PKP4: variants seen among roughly 807,000 people sequenced by gnomAD.
The protein encoded by PKP4 is plakophilin-4.
Under a neutral mutation model 145.1 loss-of-function variants are expected in PKP4, and 90 were observed. That is an observed-to-expected ratio of 0.62 (90% CI 0.52 to 0.74). PKP4 has a LOEUF of 0.74. Ranked by LOEUF, PKP4 falls within the 30% of genes least tolerant of loss-of-function variation. The pLI is 0.00. For synonymous variants in PKP4, 563 were observed against 577.2 expected (o/e 0.98, Z 0.35); for missense variants, 1,340 against 1,482.7 (o/e 0.90, Z 1.58).
chr2:158,661,955 C>A (rs1204578860), intron 13 of PKP4, among the ~76,000 whole-genome samples: 1 of 152,128 alleles, frequency 6.6e-6, no homozygotes, highest in Admixed American at 6.5e-5. Flanking sequence ...AGCCCCTTAC[C>A]CTCTCCCTCC....
chr2:158,564,157 A>G (rs1219171015), intron 2 of PKP4, among the ~76,000 whole-genome samples: 2 of 151,920 alleles, frequency 1.3e-5, no homozygotes, highest in East Asian at 3.9e-4. Context: ...TAAAAGTATA[A>G]ATAGATTGGT....
rs1574532923 is a variant in PKP4 at position 158,569,294 on chromosome 2, T to C, written c.133-7977T>C. 2.6e-5 allele frequency among the ~76,000 whole-genome samples: 4 copies of C among 152,182 alleles called. No homozygotes were observed. The East Asian group carries it at 7.7e-4, about 29-fold the overall frequency. On this transcript the variant is annotated intron_variant, in intron 2 of 21. Coordinates refer to ENST00000389759, the MANE Select transcript of PKP4 (RefSeq NM_003628.6). Reference sequence around the variant, plus strand: ...TGGTGGTAGGATAAAACAACAAAGATCTTAATATTGTTCATCTCCTATTAG... The same window carrying C: ...TGGTGGTAGGATAAAACAACAAAGACCTTAATATTGTTCATCTCCTATTAG...
rs759594992 is a variant in PKP4, at chr2:158,621,379, T to C, written c.561T>C (p.His187=). ...CATTCATAGGATCAACTAACAACCA[T>C]GTGGTGAGGAATTCAAGAGCTGAAG... ...QHSFIGSTNN[H]VVRNSRAEGQ... The change falls in exon 6 of 22, where the codon CAT becomes CAC. Residue 187 remains histidine (H), a synonymous_variant. Coordinates refer to ENST00000389759, the MANE Select transcript of PKP4 (RefSeq NM_003628.6). The C allele has an allele frequency of 2.5e-6, 4 of 1,613,852 alleles. No individual in the cohort carries two copies. The Admixed American group carries it at 6.7e-5, about 27-fold the overall frequency.
At chr2:158,464,106 G>A (rs1279958167) in intron 1 of PKP4, among the ~76,000 whole-genome samples, 1 of 152,176 alleles carries the variant, frequency 6.6e-6, no homozygotes, top group Non-Finnish European at 1.5e-5. Context: ...CAAGAAAGGG[G>A]ATTTAGCATG....
chr2:158,577,207 T>G (rs2047926784), intron 2 of PKP4, 64 bp from the exon 3 acceptor site: 5 of 947,482 alleles, frequency 5.3e-6, no homozygotes, highest in Non-Finnish European at 8.3e-6. Flanking sequence ...ATACATTAAT[T>G]CATATATCTG....
chr2:158,465,389 CT>C (rs1690452750), intron 1 of PKP4, among the ~76,000 whole-genome samples: 1 of 152,130 alleles, frequency 6.6e-6, no homozygotes, highest in African/African-American at 2.4e-5. Context: ...TAATCATGAA[CT>C]TGATTATTTT....
At chr2:158,525,740 G>A (rs527525373) in intron 1 of PKP4, among the ~76,000 whole-genome samples, 2 of 145,674 alleles carry the variant, frequency 1.4e-5, no homozygotes, top group Admixed American at 1.4e-4. Context: ...CCGCTAGCAA[G>A]ACTAATAAAG....
At chr2:158,654,478 A>T (rs971011202) in intron 11 of PKP4, among the ~76,000 whole-genome samples, 3 of 152,170 alleles carry the variant, frequency 2.0e-5, no homozygotes, top group African/African-American at 7.2e-5. Flanking sequence ...ATTTTTTAAC[A>T]ACTTTATATT....
intron 1 of PKP4, among the ~76,000 whole-genome samples, chr2:158,477,735 C>T (rs1330884508): frequency 1.3e-5 from 2 of 152,170 alleles, no homozygotes; most frequent in African/African-American, 4.8e-5. Context: ...ATCAACGCTA[C>T]TTGGGAGGCT....
intron 7 of PKP4, among the ~76,000 whole-genome samples, chr2:158,626,947 T>G (rs892737193): frequency 1.3e-5 from 2 of 152,204 alleles, no homozygotes; most frequent in South Asian, 4.1e-4. Flanking sequence ...GGTTTTAATT[T>G]ACAAAACTGT....
rs182858966 is a variant in PKP4, at chr2:158,509,670, G to A, written c.-5-23510G>A. Among the ~76,000 whole-genome samples, 10 of 152,256 alleles carry A rather than the reference G, an allele frequency of 6.6e-5. No individual in the cohort carries two copies. The East Asian group carries it at 1.5e-3, about 24-fold the overall frequency. On this transcript the variant is annotated intron_variant, in intron 1 of 21. Transcript: ENST00000389759. ...TGATATAGAAATACTAGTGTGGGCCGGGCGCGGTGGCTCACGCCTGTAATC... is the reference window on the plus strand; with the variant it reads ...TGATATAGAAATACTAGTGTGGGCCAGGCGCGGTGGCTCACGCCTGTAATC...
At chr2:158,546,708 G>C (rs547903141) in intron 2 of PKP4, among the ~76,000 whole-genome samples, 54 of 152,142 alleles carry the variant, frequency 3.5e-4, no homozygotes, top group Non-Finnish European at 6.9e-4. Context: ...GGTGGGCACA[G>C]GTTAAGGATA....
chr2:158,517,738 GACACCCCGACTCT>G lies in PKP4; in HGVS notation c.-5-15438_-5-15426del, dbSNP rs1325412707. ...TGAGACCAACCCTGGGCAACATGAT[GACACCCCGACTCT>G]ACAAAAAAAAAAATGAAAATTAGCT... On this transcript the variant is annotated intron_variant, in intron 1 of 21. Transcript: ENST00000389759. 9.3e-5 allele frequency among the ~76,000 whole-genome samples: 14 copies of G among 149,952 alleles called. No homozygotes were observed. The East Asian group carries it at 2.7e-3, about 29-fold the overall frequency.
At chr2:158,633,094 T>C (rs2053521487) in intron 8 of PKP4, among the ~76,000 whole-genome samples, 1 of 152,226 alleles carries the variant, frequency 6.6e-6, no homozygotes, top group African/African-American at 2.4e-5. Flanking sequence ...GTGAAGTAGA[T>C]TTTCCAGTGT....
intron 1 of PKP4, among the ~76,000 whole-genome samples, chr2:158,473,409 A>T (rs1188032897): frequency 6.6e-6 from 1 of 152,226 alleles, no homozygotes; most frequent in Non-Finnish European, 1.5e-5. Flanking sequence ...GAATCAACCT[A>T]AATGCCCATC....
At chr2:158,634,656 G>A (rs1211290016) in intron 9 of PKP4, among the ~76,000 whole-genome samples, 2 of 152,136 alleles carry the variant, frequency 1.3e-5, no homozygotes, top group East Asian at 1.9e-4. Context: ...CGACTTCTTC[G>A]ATAACAGCTT....
At chr2:158,633,535 T>A (rs763785148) in intron 8 of PKP4, among the ~76,000 whole-genome samples, 10 of 152,236 alleles carry the variant, frequency 6.6e-5, no homozygotes, top group Non-Finnish European at 1.3e-4. Flanking sequence ...TTAAAACTTA[T>A]GAATTACTTG....
chr2:158,580,648 A>G (rs573979445), intron 3 of PKP4, among the ~76,000 whole-genome samples: 16 of 152,306 alleles, frequency 1.1e-4, no homozygotes, highest in East Asian at 9.6e-4. Flanking sequence ...AAACAGAATA[A>G]AGAGGCCAGG....
At position 158,533,205 on chromosome 2, in the gene PKP4, C is replaced by T; in HGVS notation, c.21C>T (p.Ala7=). 3.7e-6 allele frequency: 6 copies of T among 1,613,188 alleles called. No individual in the cohort carries two copies. Among genetic ancestry groups the T allele is most frequent in the Non-Finnish European group, 5.1e-6 (6 of 1,179,856 alleles). The part of the protein sequence containing the change: MPAPEQ[A]SLVEEGQPQT... ...GAGGAATGCCAGCTCCTGAGCAGGC[C>T]TCATTGGTGGAGGAGGGGCAACCAC... Residue 7 remains alanine, a synonymous_variant, in exon 2 of 22, where the codon GCC becomes GCT. Transcript: ENST00000389759.
Sources: allele counts gnomAD v4.1 joint callset (sites outside exome capture counted in the v4.1 genomes callset), GRCh38; gene constraint gnomAD v4.1.1; transcripts MANE v1.5; gene names NCBI Gene and HGNC (gene_info 2026-07-23, HGNC 2026-07-21).